The following SMARCA2 variants were observed in gnomAD, a reference collection of about 807,000 sequenced individuals.
SMARCA2 encodes the protein SWI/SNF related BAF chromatin remodeling complex subunit ATPase 2.
In SMARCA2, 61 loss-of-function variants were observed where a neutral mutation model predicts 199.8. The ratio of observed to expected loss-of-function variants is 0.31; its 90% CI spans 0.25 to 0.38. The LOEUF (loss-of-function observed/expected upper bound fraction) is 0.38, where lower values mean the gene tolerates loss of function less well. SMARCA2 is among the 10% of genes least tolerant of loss of function. The pLI, the probability that SMARCA2 is intolerant of heterozygous loss-of-function variation, is 1.00. For synonymous variants in SMARCA2, 935 were observed against 732.0 expected, an observed-to-expected ratio of 1.28 and a Z score of -4.48; for missense variants, 1,344 against 2,012.2, an observed-to-expected ratio of 0.67 and a Z score of 6.35.
At chr9:2,179,691 G>C (rs962501881) in intron 29 of SMARCA2, among the ~76,000 whole-genome samples, 3 of 152,266 alleles carry the variant, frequency 2.0e-5, no homozygotes, top group Middle Eastern at 3.4e-3. Context: ...AAAATTAAGA[G>C]TGTGTCCATC....
chr9:2,121,561 G>A (rs912971174), intron 26 of SMARCA2, among the ~76,000 whole-genome samples: 3 of 152,176 alleles, frequency 2.0e-5, no homozygotes, highest in Non-Finnish European at 1.5e-5. Flanking sequence ...AATGGAATGT[G>A]AGCTAGAATA....
chr9:2,049,827 C>G (rs1339695828), intron 5 of SMARCA2, among the ~76,000 whole-genome samples: 2 of 152,076 alleles, frequency 1.3e-5, no homozygotes, highest in South Asian at 2.1e-4. Flanking sequence ...TTCTTTTGAC[C>G]CTTTGTGACA....
chr9:2,190,629 T>TCA (rs58109690), intron 32 of SMARCA2, among the ~76,000 whole-genome samples: 17,573 of 151,512 alleles, frequency 0.12, 1,055 homozygotes, highest in East Asian at 0.17. Flanking sequence ...ATATGTAGAA[T>TCA]CACACACACA....
At chr9:2,108,347 C>G (rs909434729) in intron 23 of SMARCA2, among the ~76,000 whole-genome samples, 1 of 152,206 alleles carries the variant, frequency 6.6e-6, no homozygotes, top group African/African-American at 2.4e-5. Flanking sequence ...GCTACTGCAG[C>G]CTTCAGCTTC....
rs1825705654 is a variant in SMARCA2, at chr9:2,161,983, G to A, written c.4199+80G>A. 8.7e-7 allele frequency: 1 copy of A among 1,146,048 alleles called. No homozygotes were observed. The highest frequency in any genetic ancestry group is 1.5e-5 in the African/African-American group (1 of 64,580). The allele number at this position is 1,146,048 out of a possible 1,614,324, so 71.0% of individuals were successfully genotyped here. A position where few individuals can be genotyped will look rare whatever the true frequency, so the allele number is the denominator to read the frequency against. On this transcript the variant is annotated intron_variant, in intron 28 of 33. Coordinates refer to ENST00000349721, the MANE Select transcript of SMARCA2 (RefSeq NM_003070.5). This position sits in a 1 kb window ranked among gnomAD's most constrained non-coding sequence, Gnocchi z 4.7. Reference sequence around the variant, plus strand: ...CTCCCTGAGGAGCAGGAGTTGTTAAGTTGTGCACTTAGGTTTTATTAAGGT... The same window carrying A: ...CTCCCTGAGGAGCAGGAGTTGTTAAATTGTGCACTTAGGTTTTATTAAGGT...
In SMARCA2 at chr9:2,160,790, T is replaced by C. The variant is rs533630746; in HGVS notation, c.3982-896T>C. On this transcript the variant is annotated intron_variant, in intron 27 of 33. Transcript: ENST00000349721. ...AGATCTTTTTTTTAGAAAATTTCTT[T>C]TCTATGTTCAAATTTTATGTTCTTT... The C allele has an allele frequency of 1.7e-5, 7 of 417,170 alleles. No homozygotes were observed. The South Asian group carries it at 3.5e-4, about 21-fold the overall frequency. The allele number at this position is 417,170 out of a possible 1,614,324, so 25.8% of individuals were successfully genotyped here. A position where few individuals can be genotyped will look rare whatever the true frequency, so the allele number is the denominator to read the frequency against.
intron 22 of SMARCA2, among the ~76,000 whole-genome samples, chr9:2,102,388 G>A (rs1311652439): frequency 6.6e-6 from 1 of 152,132 alleles, no homozygotes; most frequent in Non-Finnish European, 1.5e-5. Flanking sequence ...CACAGCTATA[G>A]GGTATTTGGA....
Position 2,031,421 on chromosome 9 carries a change from A to G in SMARCA2, c.226-1531A>G, listed in dbSNP as rs151042018. 4.6e-3 allele frequency among the ~76,000 whole-genome samples: 704 copies of G among 152,348 alleles called. 6 individuals carry two copies. The highest frequency in any genetic ancestry group is 0.016 in the African/African-American group (655 of 41,584). On this transcript the variant is annotated intron_variant, in intron 2 of 33. Coordinates refer to ENST00000349721, the MANE Select transcript of SMARCA2 (RefSeq NM_003070.5). ...GTAAACCTTCCTCTAAGTGGCTTAC[A>G]TAATTTCAGAATAATTTGAAGGTGT... is the stretch of plus-strand genomic sequence containing the variant.
chr9:2,098,574 G>A (rs981093191), intron 21 of SMARCA2, among the ~76,000 whole-genome samples: 2 of 152,118 alleles, frequency 1.3e-5, no homozygotes, highest in Non-Finnish European at 2.9e-5. Flanking sequence ...GAGTGTGTGG[G>A]CATAGAGGAG....
chr9:2,017,574 G>C lies in SMARCA2; in HGVS notation c.-37+2170G>C, dbSNP rs1289083664. On this transcript the variant is annotated intron_variant, in intron 1 of 33. Coordinates refer to ENST00000349721, the MANE Select transcript of SMARCA2 (RefSeq NM_003070.5). The surrounding 1 kb of genome is among the most constrained non-coding windows in gnomAD (Gnocchi z 8.8). ...AGTGTGTGTGTGTGCGCGCGCGAGC[G>C]GCGGAGAATCAGGAAGTCACAGCAG... is the stretch of plus-strand genomic sequence containing the variant. The C allele has an allele frequency of 6.6e-6, 1 of 152,390 alleles. No individual in the cohort carries two copies. The highest frequency in any genetic ancestry group is 1.5e-5 in the Non-Finnish European group (1 of 68,186). The allele number at this position is 152,390 out of a possible 1,614,324, so 9.4% of individuals were successfully genotyped here. A position where few individuals can be genotyped will look rare whatever the true frequency, so the allele number is the denominator to read the frequency against.
At chr9:2,142,135 G>T (rs1824491672) in intron 27 of SMARCA2, among the ~76,000 whole-genome samples, 1 of 152,162 alleles carries the variant, frequency 6.6e-6, no homozygotes, top group Admixed American at 6.5e-5. Flanking sequence ...CATCAGTCAA[G>T]TTGCAGATGC....
chr9:2,078,983 TAAAA>T (rs928829124), intron 14 of SMARCA2, among the ~76,000 whole-genome samples: 14 of 151,756 alleles, frequency 9.2e-5, no homozygotes, highest in African/African-American at 3.1e-4. Context: ...AATAGATAAA[TAAAA>T]AAAGAGGTTT....
chr9:2,126,267 A>G (rs1270549474), intron 27 of SMARCA2, among the ~76,000 whole-genome samples: 1 of 152,274 alleles, frequency 6.6e-6, no homozygotes, highest in Non-Finnish European at 1.5e-5. Flanking sequence ...TAAGTCATCC[A>G]AGAAGGACGA....
chr9:2,143,258 G>A (rs903631137), intron 27 of SMARCA2, among the ~76,000 whole-genome samples: 3 of 152,212 alleles, frequency 2.0e-5, no homozygotes, highest in Non-Finnish European at 4.4e-5. Context: ...CCTGCTTACT[G>A]TGACTGTGTG....
Position 2,115,763 on chromosome 9 carries a change from G to T in SMARCA2, c.3457-59G>T, listed in dbSNP as rs1170128530. On this transcript the variant is annotated intron_variant, in intron 24 of 33. Coordinates refer to ENST00000349721, the MANE Select transcript of SMARCA2 (RefSeq NM_003070.5). This position sits in a 1 kb window ranked among gnomAD's most constrained non-coding sequence, Gnocchi z 6.0. ...CATATTTCCCTCTGGGGTGGGGTCC[G>T]GTTTTGGATGCCTATGCCAGGCATC... 2 of 1,390,728 alleles carry T rather than the reference G, an allele frequency of 1.4e-6. No homozygotes were observed. Among genetic ancestry groups the T allele is most frequent in the Non-Finnish European group, 2.0e-6 (2 of 989,476 alleles). The allele number at this position is 1,390,728 out of a possible 1,614,324, so 86.1% of individuals were successfully genotyped here. A position where few individuals can be genotyped will look rare whatever the true frequency, so the allele number is the denominator to read the frequency against.
intron 32 of SMARCA2, among the ~76,000 whole-genome samples, chr9:2,191,030 G>A (rs923742593): frequency 6.6e-6 from 1 of 152,150 alleles, no homozygotes; most frequent in African/African-American, 2.4e-5. Flanking sequence ...TGAGACCTCG[G>A]TCCCTCTTGT....
At chr9:2,117,898 G>C (rs1360207888) in intron 25 of SMARCA2, among the ~76,000 whole-genome samples, 1 of 152,212 alleles carries the variant, frequency 6.6e-6, no homozygotes, top group East Asian at 1.9e-4. Context: ...AACACTGAGA[G>C]ACTGCAGTCA....
intron 31 of SMARCA2, among the ~76,000 whole-genome samples, chr9:2,182,649 C>T (rs1827132468): frequency 6.6e-6 from 1 of 151,576 alleles, no homozygotes; most frequent in Non-Finnish European, 1.5e-5. Flanking sequence ...CACCCACCAC[C>T]ATGCCTGGCT....
At chr9:2,059,639 A>G (rs1250073590) in intron 8 of SMARCA2, among the ~76,000 whole-genome samples, 1 of 152,204 alleles carries the variant, frequency 6.6e-6, no homozygotes, top group Non-Finnish European at 1.5e-5. Flanking sequence ...AGAGAAACTG[A>G]AGTTTTTTAT....
Sources: allele counts gnomAD v4.1 joint callset (sites outside exome capture counted in the v4.1 genomes callset), GRCh38; gene constraint gnomAD v4.1.1; non-coding constraint Gnocchi (gnomAD v3.1); transcripts MANE v1.5; gene names NCBI Gene and HGNC (gene_info 2026-07-23, HGNC 2026-07-21).